Variants in ARPC2 observed in about 807,000 individuals in gnomAD.
ARPC2 encodes the protein actin related protein 2/3 complex subunit 2, also known as actin-related protein 2/3 complex subunit 2.
In ARPC2, 4 loss-of-function variants were observed where a neutral mutation model predicts 38.6. That is an observed-to-expected ratio of 0.10 (90% CI 0.05 to 0.24). ARPC2 has a LOEUF of 0.24. Among genes scored for constraint, ARPC2 ranks in the 10% least tolerant of loss-of-function variants. The pLI is 1.00. For missense variants in ARPC2, 229 were observed against 387.3 expected, an observed-to-expected ratio of 0.59 and a Z score of 3.43; for synonymous variants, 125 against 140.8, an observed-to-expected ratio of 0.89 and a Z score of 0.79.
chr2:218,218,507 C>T (rs540081123), intron 2 of ARPC2, among the ~76,000 whole-genome samples: 3 of 152,372 alleles, frequency 2.0e-5, no homozygotes, highest in Admixed American at 2.0e-4. Context: ...AAAACATGAG[C>T]TAAGGATTTT....
chr2:218,253,386 A>G (rs1476545505), intron 10 of ARPC2, among the ~76,000 whole-genome samples: 1 of 152,172 alleles, frequency 6.6e-6, no homozygotes, highest in Non-Finnish European at 1.5e-5. Context: ...CCAGAGGAGG[A>G]GTCACCACGT....
rs766064401 is a variant in ARPC2 at position 218,249,803 on chromosome 2, T to A, written c.778-18T>A. ...TAGACCATGACTGTGCTTTAGTACC[T>A]GTTATGTTTGTTCCCAGGCCTATAT... On this transcript the variant is annotated intron_variant, in intron 9 of 10. Transcript: ENST00000315717. The A allele has an allele frequency of 3.1e-6, 5 of 1,603,288 alleles. No individual in the cohort carries two copies. Among genetic ancestry groups the A allele is most frequent in the Middle Eastern group, 3.3e-4 (2 of 6,060 alleles).
rs183317887 is a variant in ARPC2 at position 218,249,729 on chromosome 2, C to T, written c.778-92C>T. On this transcript the variant is annotated intron_variant, in intron 9 of 10. Coordinates refer to ENST00000315717, the MANE Select transcript of ARPC2 (RefSeq NM_152862.3). ...GGGTCAATCCCAGGGTGTATGTTCC[C>T]AACCGCCCTTGATGACCTCTCTGAT... is the stretch of plus-strand genomic sequence containing the variant. 51 of 1,284,254 alleles carry T rather than the reference C, an allele frequency of 4.0e-5. 1 individual carries two copies. The Admixed American group carries it at 6.8e-4, about 17-fold the overall frequency. 79.6% of individuals were successfully genotyped at this position (1,284,254 alleles called of 1,614,324 possible). A position where few individuals can be genotyped will look rare whatever the true frequency, so the allele number is the denominator to read the frequency against.
chr2:218,237,496 G>C (rs1689801756), intron 5 of ARPC2, among the ~76,000 whole-genome samples: 1 of 150,042 alleles, frequency 6.7e-6, no homozygotes, highest in Non-Finnish European at 1.5e-5. Context: ...ACTGTGCCCA[G>C]ACCACCCTAC....
At chr2:218,225,291 C>G (rs935355322) in intron 2 of ARPC2, among the ~76,000 whole-genome samples, 2 of 152,182 alleles carry the variant, frequency 1.3e-5, no homozygotes, top group Non-Finnish European at 2.9e-5. Context: ...TTGTGTTACA[C>G]TGTCTATTTT....
chr2:218,250,663 CA>C lies in ARPC2; in HGVS notation c.878+759del, dbSNP rs35549624. ...TGAGCGACAGAGTAAGACTTAGTCT[CA>C]AAAAAAAAAAAAAAAATTTGAGGAG... On this transcript the variant is annotated intron_variant, in intron 10 of 10. Coordinates refer to ENST00000315717, the MANE Select transcript of ARPC2 (RefSeq NM_152862.3). 1.9e-3 allele frequency among the ~76,000 whole-genome samples: 234 copies of C among 120,102 alleles called. 1 individual carries two copies. Among genetic ancestry groups the C allele is most frequent in the African/African-American group, 2.4e-3 (69 of 28,816 alleles). 78.8% of individuals were successfully genotyped at this position (120,102 alleles called of 152,430 possible). A position where few individuals can be genotyped will look rare whatever the true frequency, so the allele number is the denominator to read the frequency against.
intron 7 of ARPC2, among the ~76,000 whole-genome samples, chr2:218,241,665 G>A (rs1464215071): frequency 6.6e-6 from 1 of 152,186 alleles, no homozygotes; most frequent in Non-Finnish European, 1.5e-5. Flanking sequence ...CCGGAGATTT[G>A]TTCCTTAGGA....
At chr2:218,252,768 G>A (rs956102958) in intron 10 of ARPC2, among the ~76,000 whole-genome samples, 1 of 152,206 alleles carries the variant, frequency 6.6e-6, no homozygotes, top group African/African-American at 2.4e-5. Flanking sequence ...CGATTCCACA[G>A]CCAGCAGGCA....
chr2:218,225,802 C>A (rs2106145156), intron 2 of ARPC2, 118 bp from the exon 3 acceptor site: 1 of 916,738 alleles, frequency 1.1e-6, no homozygotes, highest in Non-Finnish European at 1.7e-6. Context: ...TTGGCAGTAA[C>A]CTAAAATTTA....
rs1215169609 is a variant in ARPC2, at chr2:218,217,318, T to C, written c.-9+64T>C. 3 of 676,616 alleles carry C rather than the reference T, an allele frequency of 4.4e-6. No homozygotes were observed. In the Admixed American group the frequency reaches 7.8e-5, roughly 18 times the overall value. 41.9% of individuals were successfully genotyped at this position (676,616 alleles called of 1,614,324 possible). A position where few individuals can be genotyped will look rare whatever the true frequency, so the allele number is the denominator to read the frequency against. On this transcript the variant is annotated intron_variant, in intron 1 of 10. Coordinates refer to ENST00000315717, the MANE Select transcript of ARPC2 (RefSeq NM_152862.3). ...GTGGGCCAGCGCGTTCGTCTTACCC[T>C]TCCCTCCACCCCGGCCCCTCTCCCC...
intron 2 of ARPC2, among the ~76,000 whole-genome samples, chr2:218,218,123 C>T (rs1369215989): frequency 6.6e-6 from 1 of 152,218 alleles, no homozygotes; most frequent in Non-Finnish European, 1.5e-5. Flanking sequence ...CCGAACCCTT[C>T]TGTGAGAGAC....
intron 5 of ARPC2, among the ~76,000 whole-genome samples, chr2:218,237,999 C>A (rs1343776796): frequency 6.6e-6 from 1 of 152,162 alleles, no homozygotes; most frequent in East Asian, 1.9e-4. Flanking sequence ...TCTCCTTTTC[C>A]CTCTGCAAAA....
rs755789501 is a variant in ARPC2, at chr2:218,249,402, A to G, written c.715A>G (p.Asn239Asp). 1 of 1,613,606 alleles carries G rather than the reference A, an allele frequency of 6.2e-7. No individual in the cohort carries two copies. ...TCACACCAATGCCAGTGCTCGAGACAACACCATCAACCTGATCCACACGTT... is the reference window on the plus strand; with the variant it reads ...TCACACCAATGCCAGTGCTCGAGACGACACCATCAACCTGATCCACACGTT... ...PRHTNASARDNTINLIHTFRD... is the reference protein window; with the variant it reads ...PRHTNASARDDTINLIHTFRD... The change falls in exon 9 of 11, where the codon AAC becomes GAC. Residue 239 changes from asparagine (N) to aspartate (D), a missense_variant. Transcript: ENST00000315717.
rs1689280553 is a variant in ARPC2 at position 218,217,511 on chromosome 2, C to T, written c.41C>T (p.Thr14Met). ...LEVNNRIIEE[T>M]LALKFENAAA... ...GTGAACAACCGCATCATCGAGGAGA[C>T]GCTCGCGCTCAAGTTCGAGAACGCG... is the stretch of plus-strand genomic sequence containing the variant. The change falls in exon 2 of 11, where the codon ACG becomes ATG. Residue 14 changes from threonine to methionine, a missense_variant. Physicochemically the swap from Thr to Met is moderately conservative, Grantham distance 81. Coordinates refer to ENST00000315717, the MANE Select transcript of ARPC2 (RefSeq NM_152862.3). The T allele has an allele frequency of 3.1e-6, 5 of 1,613,826 alleles. No homozygotes were observed. The East Asian group carries it at 8.9e-5, about 29-fold the overall frequency.
Position 218,253,917 on chromosome 2 carries a change from C to A in ARPC2, c.*2C>A. 6.2e-7 allele frequency: 1 copy of A among 1,613,992 alleles called. No homozygotes were observed. Among genetic ancestry groups the A allele is most frequent in the Admixed American group, 1.7e-5 (1 of 59,988 alleles). Reference sequence around the variant, plus strand: ...GGGAAGACGTTTTCATCCCGCTAATCTTGGGAATAAGAGGAGGAAGCGGCT... The same window carrying A: ...GGGAAGACGTTTTCATCCCGCTAATATTGGGAATAAGAGGAGGAAGCGGCT... On this transcript the variant is annotated 3_prime_UTR_variant, in exon 11 of 11. Coordinates refer to ENST00000315717, the MANE Select transcript of ARPC2 (RefSeq NM_152862.3).
At chr2:218,241,798 G>A (rs765881157) in intron 7 of ARPC2, among the ~76,000 whole-genome samples, 2 of 152,212 alleles carry the variant, frequency 1.3e-5, no homozygotes, top group Non-Finnish European at 2.9e-5. Flanking sequence ...CAGGATCTCT[G>A]GATAGTAACT....
intron 10 of ARPC2, among the ~76,000 whole-genome samples, chr2:218,250,929 G>A (rs539467473): frequency 8.6e-5 from 13 of 151,220 alleles, no homozygotes; most frequent in African/African-American, 2.7e-4. Flanking sequence ...GTGCAGTGGC[G>A]CGATCTCAGC....
At chr2:218,248,548 C>A (rs1232299133) in intron 8 of ARPC2, among the ~76,000 whole-genome samples, 1 of 144,088 alleles carries the variant, frequency 6.9e-6, no homozygotes, top group Non-Finnish European at 1.5e-5. Flanking sequence ...GCAACCTCCA[C>A]CCCCCGGGTT....
At chr2:218,227,379 TA>T (rs1271521626) in intron 3 of ARPC2, among the ~76,000 whole-genome samples, 2 of 152,204 alleles carry the variant, frequency 1.3e-5, no homozygotes, top group Non-Finnish European at 2.9e-5. Flanking sequence ...CAACAATGCT[TA>T]AAATTTTTTG....
Sources: gnomAD v4.1 joint callset for allele counts (sites outside exome capture counted in the v4.1 genomes callset) on GRCh38, gnomAD v4.1.1 for gene constraint, MANE v1.5 for transcripts, NCBI Gene and HGNC (gene_info 2026-07-23, HGNC 2026-07-21) for gene names.